Variants in DGKB observed in about 807,000 individuals in gnomAD.
DGKB encodes the protein diacylglycerol kinase beta, also known as 90 kDa diacylglycerol kinase.
A neutral mutation model predicts 114.3 loss-of-function variants in DGKB; 67 were observed. The observed-to-expected ratio is 0.59, with a 90% CI of 0.48 to 0.72. The LOEUF (loss-of-function observed/expected upper bound fraction) is 0.72. DGKB is among the 30% of genes least tolerant of loss of function. DGKB has a pLI of 0.00. For missense variants in DGKB, 907 were observed against 975.2 expected (o/e 0.93, Z 0.93); for synonymous variants, 398 against 323.1 (o/e 1.23, Z -2.49).
At chr7:14,421,498 C>T (rs1247482854) in intron 21 of DGKB, among the ~76,000 whole-genome samples, 1 of 152,066 alleles carries the variant, frequency 6.6e-6, no homozygotes, top group Non-Finnish European at 1.5e-5. Flanking sequence ...TTTTTCTAAT[C>T]AAAGTAGATA....
intron 21 of DGKB, among the ~76,000 whole-genome samples, chr7:14,364,422 G>A (rs1816296588): frequency 6.6e-6 from 1 of 151,280 alleles, no homozygotes; most frequent in Non-Finnish European, 1.5e-5. Context: ...AAGGAAGAAA[G>A]GAAGGAAGGA....
intron 1 of DGKB, among the ~76,000 whole-genome samples, chr7:14,901,605 A>ACCCCCCCCCCCCCCCCCCC (rs1300363624): frequency 3.5e-4 from 43 of 123,086 alleles, no homozygotes; most frequent in East Asian, 5.5e-4. Flanking sequence ...AGGGATTTCC[A>ACCCCCCCCCCCCCCCCCCC]CCCCCCCCCA....
intron 23 of DGKB, among the ~76,000 whole-genome samples, chr7:14,329,232 T>G (rs1002938474): frequency 2.6e-5 from 4 of 151,862 alleles, no homozygotes; most frequent in African/African-American, 9.7e-5. Context: ...CAAGTTCCTT[T>G]GCAGTTCACT....
At chr7:14,454,405 T>A (rs1831974096) in intron 21 of DGKB, among the ~76,000 whole-genome samples, 1 of 152,140 alleles carries the variant, frequency 6.6e-6, no homozygotes, top group African/African-American at 2.4e-5. Flanking sequence ...TTTAAGGCAA[T>A]TATTTAGTAG....
intron 20 of DGKB, among the ~76,000 whole-genome samples, chr7:14,486,614 G>A (rs190768132): frequency 1.7e-4 from 26 of 152,230 alleles, no homozygotes; most frequent in South Asian, 4.1e-4. Context: ...GAAGAAAGAG[G>A]GCAAGGGAAC....
intron 13 of DGKB, among the ~76,000 whole-genome samples, chr7:14,665,586 C>T (rs1817892504): frequency 6.6e-6 from 1 of 152,048 alleles, no homozygotes; most frequent in Non-Finnish European, 1.5e-5. Context: ...GAAAACAAAA[C>T]TAAATCATGG....
intron 21 of DGKB, among the ~76,000 whole-genome samples, chr7:14,387,597 T>C (rs1388675409): frequency 2.6e-5 from 4 of 151,976 alleles, no homozygotes; most frequent in Admixed American, 2.6e-4. Context: ...GTTTGTTTTC[T>C]GTAGAGACGG....
At chr7:14,324,670 A>T (rs1808419717) in intron 23 of DGKB, among the ~76,000 whole-genome samples, 1 of 152,136 alleles carries the variant, frequency 6.6e-6, no homozygotes, top group Non-Finnish European at 1.5e-5. Context: ...AAGAACCTAG[A>T]CATACTACAT....
chr7:14,158,379 G>GGTTA (rs1396653659), intron 25 of DGKB, among the ~76,000 whole-genome samples: 1 of 152,076 alleles, frequency 6.6e-6, no homozygotes, highest in Non-Finnish European at 1.5e-5. Flanking sequence ...CCAAAAGAAA[G>GGTTA]GTTAGAAAAA....
intron 20 of DGKB, among the ~76,000 whole-genome samples, chr7:14,487,727 G>A (rs1360800078): frequency 1.3e-5 from 2 of 150,868 alleles, no homozygotes; most frequent in Non-Finnish European, 2.9e-5. Context: ...TTGACCCCTC[G>A]AGTAAGCTGG....
chr7:14,607,350 CATT>C, intron 17 of DGKB, 81 bp downstream of exon 17: 1 of 741,582 alleles, frequency 1.3e-6, no homozygotes, highest in Non-Finnish European at 2.4e-6. Context: ...GTTCAAATAA[CATT>C]ATTTCTACAT....
intron 20 of DGKB, among the ~76,000 whole-genome samples, chr7:14,501,322 C>G (rs1786135876): frequency 6.6e-6 from 1 of 151,776 alleles, no homozygotes; most frequent in African/African-American, 2.4e-5. Context: ...AGTAGCATCT[C>G]AAGTTAAAGA....
intron 21 of DGKB, among the ~76,000 whole-genome samples, chr7:14,371,720 T>C (rs1817690269): frequency 6.6e-6 from 1 of 152,204 alleles, no homozygotes; most frequent in South Asian, 2.1e-4. Flanking sequence ...TGCCATCACC[T>C]TTGAGGACTG....
intron 12 of DGKB, among the ~76,000 whole-genome samples, chr7:14,681,639 C>T (rs979617806): frequency 1.3e-5 from 2 of 151,942 alleles, no homozygotes; most frequent in Non-Finnish European, 2.9e-5. Context: ...AGCTGGGAAA[C>T]AAAACCTCAG....
At chr7:14,817,405 G>A (rs911415737) in intron 2 of DGKB, among the ~76,000 whole-genome samples, 1 of 152,056 alleles carries the variant, frequency 6.6e-6, no homozygotes, top group African/African-American at 2.4e-5. Flanking sequence ...CAAAAAAGAT[G>A]AAATCTAGCC....
At chr7:14,862,588 G>A (rs910326549) in intron 1 of DGKB, among the ~76,000 whole-genome samples, 1 of 152,018 alleles carries the variant, frequency 6.6e-6, no homozygotes, top group Non-Finnish European at 1.5e-5. Context: ...AATGAAGCCA[G>A]AATTCAAACT....
rs887698243 is a variant in DGKB, at chr7:14,398,207, A to G, written c.1836-52816T>C. ...GAAGAGAATAAAGATAGGAAAAATG[A>G]AGAAATGCCAAGTTTTACAGTAGCC... On this transcript the variant is annotated intron_variant, in intron 21 of 25. Transcript: ENST00000402815. Among the ~76,000 whole-genome samples, 4 of 152,118 alleles carry G rather than the reference A, an allele frequency of 2.6e-5. 1 individual carries two copies. Among genetic ancestry groups the G allele is most frequent in the Non-Finnish European group, 5.9e-5 (4 of 67,984 alleles).
intron 1 of DGKB, among the ~76,000 whole-genome samples, chr7:14,929,892 T>A (rs914135167): frequency 2.6e-5 from 4 of 152,168 alleles, no homozygotes; most frequent in African/African-American, 9.7e-5. Flanking sequence ...TTGAGTTGAT[T>A]TTTGTATATG....
chr7:14,291,052 G>T (rs1001871540), intron 23 of DGKB, among the ~76,000 whole-genome samples: 14 of 138,060 alleles, frequency 1.0e-4, no homozygotes, highest in African/African-American at 3.9e-4. Context: ...TGAGGCAGGA[G>T]AATCACTTGA....
Sources: gnomAD v4.1 joint callset for allele counts (sites outside exome capture counted in the v4.1 genomes callset) on GRCh38, gnomAD v4.1.1 for gene constraint, MANE v1.5 for transcripts, NCBI Gene and HGNC (gene_info 2026-07-23, HGNC 2026-07-21) for gene names.